Variants in ARMCX4 observed in about 807,000 individuals in gnomAD.
ARMCX4 encodes armadillo repeat containing X-linked 4.
ARMCX4 carries 3 observed loss-of-function variants against 34.7 expected under a neutral mutation model. The ratio of observed to expected loss-of-function variants is 0.09; its 90% confidence interval spans 0.04 to 0.22. ARMCX4 has a LOEUF of 0.22. ARMCX4 is among the 10% of genes least tolerant of loss of function. The pLI is 1.00. For synonymous variants in ARMCX4, 513 were observed against 632.8 expected (o/e 0.81, Z 2.84); for missense variants, 1,448 against 1,720.8 (o/e 0.84, Z 2.81).
chrX:101,510,241 GTTTA>G (rs1241797659), intron 10 of ARMCX4, among the ~76,000 whole-genome samples: 2 of 111,773 alleles, frequency 1.8e-5, no homozygotes, highest in African/African-American at 3.3e-5. Context: ...TTTTTAGGTT[GTTTA>G]TTTGCTTGTT....
intron 3 of ARMCX4, chrX:101,445,904 C>T (rs1460445173): frequency 1.8e-5 from 2 of 111,236 alleles, no homozygotes; most frequent in Non-Finnish European, 3.8e-5. Context: ...ATGCAGATTC[C>T]CTTGCTTGGC....
intron 11 of ARMCX4, among the ~76,000 whole-genome samples, chrX:101,523,592 G>A (rs183880141): frequency 5.4e-5 from 6 of 111,655 alleles, no homozygotes; most frequent in Admixed American, 4.8e-4. Context: ...CATGTTGGGG[G>A]AAATAGACTT....
chrX:101,509,859 C>A (rs1556015982), intron 10 of ARMCX4, among the ~76,000 whole-genome samples: 1 of 112,290 alleles, frequency 8.9e-6, no homozygotes, highest in Non-Finnish European at 1.9e-5. Context: ...ACTGGAAATT[C>A]TCTAAGAATT....
chrX:101,460,087 C>A (rs1314612774), intron 4 of ARMCX4, among the ~76,000 whole-genome samples: 1 of 112,695 alleles, frequency 8.9e-6, no homozygotes, highest in Non-Finnish European at 1.9e-5. Context: ...GGCTAATAGA[C>A]AAACAAACAA....
intron 4 of ARMCX4, among the ~76,000 whole-genome samples, chrX:101,452,952 G>A (rs782606189): frequency 2.7e-5 from 3 of 109,332 alleles, no homozygotes; most frequent in East Asian, 2.8e-4. Context: ...ACAACACACC[G>A]GTTACTTTAT....
At chrX:101,481,467 A>G (rs1933447336), upstream of ARMCX4, among the ~76,000 whole-genome samples, 1 of 112,156 alleles carries the variant, frequency 8.9e-6, no homozygotes, top group Non-Finnish European at 1.9e-5. Context: ...GATGTATTAA[A>G]TGCATTTTAG....
At chrX:101,531,304 A>T in intron 11 of ARMCX4, among the ~76,000 whole-genome samples, 1 of 112,202 alleles carries the variant, frequency 8.9e-6, no homozygotes, top group Non-Finnish European at 1.9e-5. Context: ...TATATGAGGT[A>T]ACATATTCAC....
At chrX:101,431,743 T>C (rs1485936758) in intron 2 of ARMCX4, among the ~76,000 whole-genome samples, 17 of 111,483 alleles carry the variant, frequency 1.5e-4, no homozygotes, top group Non-Finnish European at 1.7e-4. Context: ...TGGGGTTTCA[T>C]TGTGTTAGCC....
chrX:101,465,001 T>C (rs185723775), intron 4 of ARMCX4, among the ~76,000 whole-genome samples: 20 of 111,635 alleles, frequency 1.8e-4, no homozygotes, highest in South Asian at 7.5e-4. Context: ...TTTTTTATTC[T>C]CTAAGGTAAC....
chrX:101,462,533 C>T (rs993552350), intron 4 of ARMCX4, among the ~76,000 whole-genome samples: 1 of 105,991 alleles, frequency 9.4e-6, no homozygotes, highest in East Asian at 3.0e-4. Context: ...CCAGCTACTC[C>T]GGAGGCTGAG....
chrX:101,493,339 G>A lies in ARMCX4; in HGVS notation c.4750G>A (p.Gly1584Arg). ...ATTTGAGGATCAGGCCATTGGAGGG[G>A]GGTTCTGGCCTGGTGCTGGGGACCA... is the stretch of plus-strand genomic sequence containing the variant. The part of the protein sequence containing the change: ...PGFEDQAIGG[G>R]FWPGAGDQTG... The change falls in exon 6 of 6, where the codon GGG becomes AGG. Residue 1584 changes from glycine (G) to arginine (R), a missense_variant. Coordinates refer to ENST00000423738, the MANE Select transcript of ARMCX4 (RefSeq NM_001256155.3). The A allele has an allele frequency of 8.7e-7, 1 of 1,155,579 alleles. No individual in the cohort carries two copies. The highest frequency in any genetic ancestry group is 1.1e-6 in the Non-Finnish European group (1 of 872,728).
rs1488267592 is a variant in ARMCX4 at position 101,489,726 on chromosome X, T to C, written c.1137T>C (p.Asp379=). Residue 379 remains aspartate, a synonymous_variant, in exon 6 of 6, where the codon GAT becomes GAC. Coordinates refer to ENST00000423738, the MANE Select transcript of ARMCX4 (RefSeq NM_001256155.3). ...QAEVTSGARV[D]GRGNTNVISK... Reference sequence around the variant, plus strand: ...AGGTGACGTCTGGTGCCAGGGTTGATGGTAGGGGAAATACCAATGTCATAT... The same window carrying C: ...AGGTGACGTCTGGTGCCAGGGTTGACGGTAGGGGAAATACCAATGTCATAT... The C allele has an allele frequency of 1.7e-6, 2 of 1,154,010 alleles. No homozygotes were observed. Among genetic ancestry groups the C allele is most frequent in the Non-Finnish European group, 2.3e-6 (2 of 871,952 alleles).
chrX:101,464,011 G>A (rs1385356113), intron 4 of ARMCX4, among the ~76,000 whole-genome samples: 3 of 110,203 alleles, frequency 2.7e-5, no homozygotes, highest in Non-Finnish European at 5.7e-5. Context: ...ACCTGCCTCG[G>A]CCTTCCAAAG....
At chrX:101,453,206 T>C (rs1052505058) in intron 4 of ARMCX4, among the ~76,000 whole-genome samples, 4 of 111,687 alleles carry the variant, frequency 3.6e-5, no homozygotes, top group Non-Finnish European at 1.9e-5. Flanking sequence ...GCTTGCTAAG[T>C]CATAGAGTTC....
At chrX:101,424,799 C>T (rs1929502621) in intron 2 of ARMCX4, among the ~76,000 whole-genome samples, 2 of 111,601 alleles carry the variant, frequency 1.8e-5, no homozygotes. Flanking sequence ...AGAAGCAGGA[C>T]CTTTAAGATC....
intron 4 of ARMCX4, among the ~76,000 whole-genome samples, chrX:101,455,980 A>G (rs184987044): frequency 3.0e-3 from 337 of 111,702 alleles, no homozygotes; most frequent in African/African-American, 9.5e-3. Context: ...TGTTGCTGCA[A>G]AGAACATGAT....
At chrX:101,484,998 G>A (rs1164298907), upstream of ARMCX4, among the ~76,000 whole-genome samples, 2 of 111,559 alleles carry the variant, frequency 1.8e-5, no homozygotes, top group African/African-American at 6.5e-5. Context: ...CCCTTCCACA[G>A]CCCATTTGGT....
chrX:101,448,912 C>CTTTT (rs3060590), downstream of ARMCX4, among the ~76,000 whole-genome samples: 1 of 71,786 alleles, frequency 1.4e-5, no homozygotes, highest in African/African-American at 5.4e-5. Flanking sequence ...CTTTTCTTTC[C>CTTTT]TTTTTTTTTT....
chrX:101,496,566 C>T (rs1934182058), downstream of ARMCX4, among the ~76,000 whole-genome samples: 1 of 111,551 alleles, frequency 9.0e-6, no homozygotes, highest in South Asian at 3.8e-4. Context: ...TCCTCTTTGC[C>T]AATTCTGGTA....
Sources: gnomAD v4.1 joint callset for allele counts (sites outside exome capture counted in the v4.1 genomes callset) on GRCh38, gnomAD v4.1.1 for gene constraint, MANE v1.5 for transcripts, NCBI Gene and HGNC (gene_info 2026-07-23, HGNC 2026-07-21) for gene names.